Variants in CSN1S1 observed in about 807,000 individuals in gnomAD.
The protein encoded by CSN1S1 is casein alpha s1, also known as alpha-S1-casein.
CSN1S1 carries 63 observed loss-of-function variants against 49.1 expected under a neutral mutation model. That is an observed-to-expected ratio of 1.28 (90% CI 1.05 to 1.58). The LOEUF (loss-of-function observed/expected upper bound fraction) is 1.58. Among genes scored for constraint, CSN1S1 ranks in the 40% most tolerant of loss-of-function variants. CSN1S1 has a pLI of 0.00. For synonymous variants in CSN1S1, 78 were observed against 67.1 expected, an observed-to-expected ratio of 1.16 and a Z score of -0.79; for missense variants, 260 against 224.7, an observed-to-expected ratio of 1.16 and a Z score of -1.01.
At chr4:69,943,858 T>A (rs1197417039) in intron 14 of CSN1S1, among the ~76,000 whole-genome samples, 1 of 152,016 alleles carries the variant, frequency 6.6e-6, no homozygotes, top group Non-Finnish European at 1.5e-5. Flanking sequence ...ATAGCATTAA[T>A]TAATTTGTGA....
chr4:69,935,255 T>C (rs1028462548), intron 4 of CSN1S1, among the ~76,000 whole-genome samples: 5 of 151,994 alleles, frequency 3.3e-5, no homozygotes, highest in African/African-American at 1.2e-4. Context: ...AAATGTTTTT[T>C]TCACTGGGTG....
chr4:69,942,041 C>T lies in CSN1S1; in HGVS notation c.343-5C>T. ...TACTAAAACAGAATGTTTTCTCCTC[C>T]CTAGCAAGCTGCCCATGCCCAGGTG... On this transcript the variant is annotated splice_polypyrimidine_tract_variant and splice_region_variant and intron_variant, in intron 12 of 15. Transcript: ENST00000246891. 6.8e-7 allele frequency: 1 copy of T among 1,462,366 alleles called. No individual in the cohort carries two copies. The highest frequency in any genetic ancestry group is 9.2e-7 in the Non-Finnish European group (1 of 1,083,796). The allele number at this position is 1,462,366 out of a possible 1,614,324, so 90.6% of individuals were successfully genotyped here.
At chr4:69,941,960 G>T in intron 12 of CSN1S1, 86 bp from the exon 13 acceptor site, 1 of 825,062 alleles carries the variant, frequency 1.2e-6, no homozygotes, top group South Asian at 2.3e-5. Context: ...CATTGTCCCT[G>T]AACAAATGAA....
At chr4:69,944,391 T>C (rs1309671004) in intron 14 of CSN1S1, among the ~76,000 whole-genome samples, 1 of 152,014 alleles carries the variant, frequency 6.6e-6, no homozygotes, top group Non-Finnish European at 1.5e-5. Flanking sequence ...ATTATTTTTT[T>C]CTGTTCCTGG....
At chr4:69,945,085 C>A in intron 15 of CSN1S1, 81 bp downstream of exon 15, 1 of 1,455,238 alleles carries the variant, frequency 6.9e-7, no homozygotes, top group Non-Finnish European at 9.5e-7. Flanking sequence ...ACCATAAGAA[C>A]AGATTTAGAT....
chr4:69,943,329 C>G (rs75658260), intron 14 of CSN1S1, among the ~76,000 whole-genome samples: 1 of 151,702 alleles, frequency 6.6e-6, no homozygotes, highest in Non-Finnish European at 1.5e-5. Flanking sequence ...GGATTACCGG[C>G]AAGCATCACG....
chr4:69,938,037 G>A (rs1410540565), intron 9 of CSN1S1, among the ~76,000 whole-genome samples: 1 of 151,736 alleles, frequency 6.6e-6, no homozygotes, highest in East Asian at 1.9e-4. Flanking sequence ...GTACAATGTT[G>A]TGCTAGATAA....
At position 69,939,420 on chromosome 4, in the gene CSN1S1, C is replaced by T. The variant is rs532758066; in HGVS notation, c.276+212C>T. On this transcript the variant is annotated intron_variant, in intron 10 of 15. Transcript: ENST00000246891. ...ATTGACAAAATTATTTCTGGGCAAA[C>T]AATCTTATCTGGCCATCTGTGATGT... 3.3e-5 allele frequency among the ~76,000 whole-genome samples: 5 copies of T among 151,816 alleles called. No homozygotes were observed. In the East Asian group the frequency reaches 9.7e-4, roughly 29 times the overall value.
At chr4:69,932,508 A>G in intron 1 of CSN1S1, 36 bp from the exon 2 acceptor site, 1 of 1,529,684 alleles carries the variant, frequency 6.5e-7, no homozygotes, top group Non-Finnish European at 8.9e-7. Context: ...TTAACGTAAT[A>G]ATATCTAACT....
At chr4:69,943,128 C>A in intron 14 of CSN1S1, among the ~76,000 whole-genome samples, 1 of 149,796 alleles carries the variant, frequency 6.7e-6, no homozygotes, top group East Asian at 2.0e-4. Context: ...TCATTTGGGC[C>A]CCAAAGAATT....
At chr4:69,936,954 C>T (rs551631087) in intron 7 of CSN1S1, among the ~76,000 whole-genome samples, 167 bp from the exon 8 acceptor site, 1 of 152,032 alleles carries the variant, frequency 6.6e-6, no homozygotes, top group South Asian at 2.1e-4. Context: ...AGAATATTTA[C>T]ATAGTCATAC....
At chr4:69,937,092 C>G (rs969316988) in intron 7 of CSN1S1, 29 bp from the exon 8 acceptor site, 42 of 1,525,326 alleles carry the variant, frequency 2.8e-5, no homozygotes, top group Non-Finnish European at 3.6e-5. Flanking sequence ...AACAATCTGT[C>G]ATACCTAACT....
Position 69,934,382 on chromosome 4 carries a change from T to A in CSN1S1, c.84+138T>A, listed in dbSNP as rs1189440430. 1.5e-5 allele frequency: 12 copies of A among 806,552 alleles called. No individual in the cohort carries two copies. In the East Asian group the frequency reaches 2.3e-4, roughly 16 times the overall value. 50.0% of individuals were successfully genotyped at this position (806,552 alleles called of 1,614,324 possible). A position where few individuals can be genotyped will look rare whatever the true frequency, so the allele number is the denominator to read the frequency against. On this transcript the variant is annotated intron_variant, in intron 3 of 15. Transcript: ENST00000246891. ...TTTCTTTAGTTCAAGCACTGTCAGA[T>A]GGTATTTGCTCTCACAAAACTTAGA...
intron 11 of CSN1S1, among the ~76,000 whole-genome samples, chr4:69,940,427 A>G (rs1210846369): frequency 6.6e-6 from 1 of 151,770 alleles, no homozygotes; most frequent in African/African-American, 2.4e-5. Flanking sequence ...AATCTACATA[A>G]CATAGTATTT....
Position 69,944,971 on chromosome 4 carries a change from A to G in CSN1S1, c.524A>G (p.Asn175Ser). ...ATCTCCAATCCCACTGCTCATGAAAATTATGAAAAAAATAACGTCATGCTA... is the reference window on the plus strand; with the variant it reads ...ATCTCCAATCCCACTGCTCATGAAAGTTATGAAAAAAATAACGTCATGCTA... ...SDISNPTAHE[N>S]YEKNNVMLQW The change falls in exon 15 of 16, where the codon AAT becomes AGT. Residue 175 changes from asparagine (N) to serine (S), a missense_variant. By Grantham distance (46) the Asn-to-Ser change is conservative. Transcript: ENST00000246891. 1 of 1,612,770 alleles carries G rather than the reference A, an allele frequency of 6.2e-7. No homozygotes were observed. The highest frequency in any genetic ancestry group is 8.5e-7 in the Non-Finnish European group (1 of 1,179,190).
At chr4:69,945,100 C>T (rs969332440) in intron 15 of CSN1S1, 96 bp downstream of exon 15, 17 of 1,316,632 alleles carry the variant, frequency 1.3e-5, no homozygotes, top group Non-Finnish European at 1.7e-5. Flanking sequence ...TTAGATTAAA[C>T]ATGGCAAATC....
At chr4:69,937,019 T>C in intron 7 of CSN1S1, 102 bp from the exon 8 acceptor site, 3 of 848,004 alleles carry the variant, frequency 3.5e-6, no homozygotes, top group East Asian at 2.7e-5. Context: ...ACTAGTTTTC[T>C]AGTAGAATTG....
chr4:69,936,206 A>C (rs554935983), intron 5 of CSN1S1, among the ~76,000 whole-genome samples: 58 of 152,188 alleles, frequency 3.8e-4, no homozygotes, highest in Admixed American at 8.5e-4. Context: ...ATTTATTTTT[A>C]AATTTGTATC....
At chr4:69,936,402 T>C (rs1397780316) in intron 5 of CSN1S1, 54 bp from the exon 6 acceptor site, 8 of 1,308,654 alleles carry the variant, frequency 6.1e-6, no homozygotes, top group Non-Finnish European at 8.7e-6. Context: ...AGATTTCCAC[T>C]CATGTATGTC....
Sources: gnomAD v4.1 joint callset for allele counts (sites outside exome capture counted in the v4.1 genomes callset) on GRCh38, gnomAD v4.1.1 for gene constraint, MANE v1.5 for transcripts, NCBI Gene and HGNC (gene_info 2026-07-23, HGNC 2026-07-21) for gene names.